POF1B: variants seen among roughly 807,000 people sequenced by gnomAD.
POF1B encodes the protein POF1B actin binding protein.
In POF1B, 53 loss-of-function variants were observed where a neutral mutation model predicts 55.3. The ratio of observed to expected loss-of-function variants is 0.96; its 90% CI spans 0.77 to 1.20. The LOEUF is 1.20. Ranked by LOEUF, POF1B falls within the 50% of genes most tolerant of loss-of-function variation. The pLI, the probability that POF1B is intolerant of heterozygous loss-of-function variation, is 0.00. For missense variants in POF1B, 478 were observed against 420.5 expected, an observed-to-expected ratio of 1.14 and a Z score of -1.20; for synonymous variants, 188 against 148.3, an observed-to-expected ratio of 1.27 and a Z score of -1.95.
intron 4 of POF1B, among the ~76,000 whole-genome samples, chrX:85,354,871 G>C (rs1279470075): frequency 9.0e-6 from 1 of 111,152 alleles, no homozygotes; most frequent in Non-Finnish European, 1.9e-5. Context: ...ACGTGAAAAT[G>C]GCCATACTGC....
At chrX:85,286,439 A>G (rs1932056912) in intron 15 of POF1B, among the ~76,000 whole-genome samples, 1 of 111,731 alleles carries the variant, frequency 9.0e-6, no homozygotes, top group African/African-American at 3.2e-5. Flanking sequence ...GTAAATTTAA[A>G]TCTATCCATA....
chrX:85,304,491 T>A lies in POF1B; in HGVS notation c.1438-20A>T. On this transcript the variant is annotated intron_variant, in intron 13 of 16. Transcript: ENST00000262753. Reference sequence around the variant, plus strand: ...TTGGGACTAAGGATTTAAAAAGAAATAAATATTATTATAATCTTCATATAG... The same window carrying A: ...TTGGGACTAAGGATTTAAAAAGAAAAAAATATTATTATAATCTTCATATAG... 1.0e-6 allele frequency: 1 copy of A among 968,770 alleles called. No individual in the cohort carries two copies. Among genetic ancestry groups the A allele is most frequent in the Non-Finnish European group, 1.4e-6 (1 of 735,425 alleles). 79.8% of individuals were successfully genotyped at this position (968,770 alleles called of 1,213,427 possible).
At chrX:85,299,441 A>C (rs1284811388) in intron 15 of POF1B, among the ~76,000 whole-genome samples, 1 of 104,734 alleles carries the variant, frequency 9.5e-6, no homozygotes, top group Non-Finnish European at 1.9e-5. Context: ...GGCGCCCGCT[A>C]CCACGCCTGG....
chrX:85,299,381 C>T (rs1329072510), intron 15 of POF1B, among the ~76,000 whole-genome samples: 1 of 105,034 alleles, frequency 9.5e-6, no homozygotes, highest in African/African-American at 3.5e-5. Flanking sequence ...CTCCGCCTCC[C>T]GGGTTCACGC....
chrX:85,300,444 T>C (rs1198202239), intron 15 of POF1B, among the ~76,000 whole-genome samples: 1 of 111,944 alleles, frequency 8.9e-6, no homozygotes. Context: ...AACTGACCAC[T>C]AAGATAAATG....
Position 85,278,351 on chromosome X carries a change from G to C in POF1B, c.*1070C>G, listed in dbSNP as rs1263131790. 2.7e-5 allele frequency: 3 copies of C among 110,898 alleles called. No homozygotes were observed. Among genetic ancestry groups the C allele is most frequent in the Non-Finnish European group, 5.7e-5 (3 of 52,451 alleles). The allele number at this position is 110,898 out of a possible 1,213,427, so 9.1% of individuals were successfully genotyped here. A position where few individuals can be genotyped will look rare whatever the true frequency, so the allele number is the denominator to read the frequency against. On this transcript the variant is annotated 3_prime_UTR_variant, in exon 17 of 17. Coordinates refer to ENST00000262753, the MANE Select transcript of POF1B (RefSeq NM_024921.4). Reference sequence around the variant, plus strand: ...TGCCTTAATCTATACTTGGACAAAGGCAACATTTTAATTTTTGCTAAGTCT... The same window carrying C: ...TGCCTTAATCTATACTTGGACAAAGCCAACATTTTAATTTTTGCTAAGTCT...
Position 85,346,946 on chromosome X carries a change from C to T in POF1B, c.541-904G>A, listed in dbSNP as rs1933285132. ...ACTTGGGACTGGAACCCATGATTTC[C>T]AGCTTAGACTTCTTTTAGGATATTA... On this transcript the variant is annotated intron_variant, in intron 5 of 16. Coordinates refer to ENST00000262753, the MANE Select transcript of POF1B (RefSeq NM_024921.4). Among the ~76,000 whole-genome samples, 3 of 111,033 alleles carry T rather than the reference C, an allele frequency of 2.7e-5. No homozygotes were observed. The Admixed American group carries it at 2.9e-4, about 11-fold the overall frequency.
chrX:85,315,801 A>G, intron 7 of POF1B, 67 bp from the exon 8 acceptor site: 6 of 835,186 alleles, frequency 7.2e-6, no homozygotes, highest in Non-Finnish European at 9.9e-6. Context: ...TATAAATGCT[A>G]GTTTTCTATT....
chrX:85,376,416 A>C (rs1015476408), intron 2 of POF1B, among the ~76,000 whole-genome samples: 1 of 111,613 alleles, frequency 9.0e-6, no homozygotes, highest in South Asian at 3.7e-4. Flanking sequence ...TATTTGCAAG[A>C]CCACATTCAG....
chrX:85,361,474 C>T (rs1933617584), intron 3 of POF1B, among the ~76,000 whole-genome samples: 1 of 111,392 alleles, frequency 9.0e-6, no homozygotes, highest in African/African-American at 3.3e-5. Context: ...GGAGTCCTTT[C>T]CCCATTGCTT....
chrX:85,283,682 C>T (rs141145625), intron 15 of POF1B, among the ~76,000 whole-genome samples: 1,375 of 109,387 alleles, frequency 0.013, 13 homozygotes, highest in South Asian at 0.033. Context: ...AAGCTATAAA[C>T]ACACGTATCC....
intron 6 of POF1B, among the ~76,000 whole-genome samples, chrX:85,336,522 T>C (rs1603055001): frequency 9.0e-6 from 1 of 111,388 alleles, no homozygotes; most frequent in Non-Finnish European, 1.9e-5. Context: ...AGATAATCTC[T>C]CACTGTAGTT....
intron 15 of POF1B, among the ~76,000 whole-genome samples, chrX:85,302,306 A>G (rs994357480): frequency 9.0e-6 from 1 of 111,611 alleles, no homozygotes. Flanking sequence ...TCTTCAAACA[A>G]GATGTATAAA....
At chrX:85,298,606 T>C (rs750347636) in intron 15 of POF1B, among the ~76,000 whole-genome samples, 1 of 111,879 alleles carries the variant, frequency 8.9e-6, no homozygotes, top group East Asian at 2.8e-4. Context: ...TACAAACAGA[T>C]AGTGGAGAAT....
intron 6 of POF1B, among the ~76,000 whole-genome samples, chrX:85,344,351 T>G (rs1435006236): frequency 9.0e-6 from 1 of 111,541 alleles, no homozygotes; most frequent in Non-Finnish European, 1.9e-5. Flanking sequence ...ATTCTGCCCA[T>G]TTTTCAAAGC....
At chrX:85,321,027 G>A (rs1439007452) in intron 7 of POF1B, among the ~76,000 whole-genome samples, 2 of 111,309 alleles carry the variant, frequency 1.8e-5, no homozygotes, top group Admixed American at 9.5e-5. Context: ...GGAGGAGCTG[G>A]TACCATTCCT....
rs375005277 is a variant in POF1B, at chrX:85,373,536, T to C, written c.282+5637A>G. Among the ~76,000 whole-genome samples the C allele has an allele frequency of 2.9e-4, 32 of 111,804 alleles. No homozygotes were observed. In the South Asian group the frequency reaches 5.6e-3, roughly 20 times the overall value. On this transcript the variant is annotated intron_variant, in intron 2 of 16. Coordinates refer to ENST00000262753, the MANE Select transcript of POF1B (RefSeq NM_024921.4). ...TGAAATATTATTTTCACTGGATTGA[T>C]TATATATGTGACTAAGTTACTAACT...
intron 3 of POF1B, among the ~76,000 whole-genome samples, chrX:85,364,635 C>T (rs1569298602): frequency 9.0e-6 from 1 of 111,500 alleles, no homozygotes; most frequent in South Asian, 3.8e-4. Flanking sequence ...GCCTGATGGG[C>T]TTTCCTTTAT....
intron 7 of POF1B, among the ~76,000 whole-genome samples, chrX:85,330,322 G>T (rs1204558545): frequency 9.1e-6 from 1 of 110,429 alleles, no homozygotes; most frequent in Non-Finnish European, 1.9e-5. Context: ...TAATGTAATA[G>T]ATAATAATAT....
Sources: gnomAD v4.1 joint callset for allele counts (sites outside exome capture counted in the v4.1 genomes callset) on GRCh38, gnomAD v4.1.1 for gene constraint, MANE v1.5 for transcripts, NCBI Gene and HGNC (gene_info 2026-07-23, HGNC 2026-07-21) for gene names.